Variants in SORCS1 observed in about 807,000 individuals in gnomAD.
SORCS1 encodes the protein VPS10 domain-containing receptor SorCS1.
SORCS1 carries 60 observed loss-of-function variants against 146.1 expected under a neutral mutation model. The ratio of observed to expected loss-of-function variants is 0.41; its 90% confidence interval spans 0.33 to 0.51. The LOEUF (loss-of-function observed/expected upper bound fraction) is 0.51. Ranked by LOEUF, SORCS1 falls within the 20% of genes least tolerant of loss-of-function variation. The probability of loss-of-function intolerance (pLI) is 0.21; values close to 1 mark genes in which losing one functional copy is unlikely to be tolerated. For missense variants in SORCS1, 1,352 were observed against 1,487.6 expected, an observed-to-expected ratio of 0.91 and a Z score of 1.50; for synonymous variants, 637 against 584.0, an observed-to-expected ratio of 1.09 and a Z score of -1.31.
At chr10:106,938,751 C>T (rs822076) in intron 2 of SORCS1, among the ~76,000 whole-genome samples, 40,767 of 152,112 alleles carry the variant, frequency 0.27, 5,779 homozygotes, top group Middle Eastern at 0.35. Context: ...CCACAAATCC[C>T]TATGTCATAT....
chr10:106,881,772 C>T (rs911254780), intron 2 of SORCS1, among the ~76,000 whole-genome samples: 7 of 152,144 alleles, frequency 4.6e-5, no homozygotes, highest in African/African-American at 7.2e-5. Context: ...ATTTCTTACC[C>T]GATATCCTAT....
In SORCS1 at chr10:106,649,392, C is replaced by A. The variant is rs557928446; in HGVS notation, c.2475+2990G>T. On this transcript the variant is annotated intron_variant, in intron 18 of 25. Coordinates refer to ENST00000263054, the MANE Select transcript of SORCS1 (RefSeq NM_052918.5). Reference sequence around the variant, plus strand: ...TGGGACACTGAAGAAGCGAGCAACACCCCCATCACACGCCTGTTAGGGGGA... The same window carrying A: ...TGGGACACTGAAGAAGCGAGCAACAACCCCATCACACGCCTGTTAGGGGGA... Among the ~76,000 whole-genome samples, 86 of 152,286 alleles carry A rather than the reference C, an allele frequency of 5.6e-4. 1 individual carries two copies. The highest frequency in any genetic ancestry group is 5.5e-4 in the African/African-American group (23 of 41,558).
At chr10:107,130,018 T>C (rs1471776729) in intron 1 of SORCS1, among the ~76,000 whole-genome samples, 3 of 152,222 alleles carry the variant, frequency 2.0e-5, no homozygotes, top group African/African-American at 7.2e-5. Context: ...CTTCAATATG[T>C]CCAAGTTTTC....
At chr10:106,641,333 T>C (rs2133677841) in intron 18 of SORCS1, among the ~76,000 whole-genome samples, 1 of 152,320 alleles carries the variant, frequency 6.6e-6, no homozygotes, top group African/African-American at 2.4e-5. Flanking sequence ...ATCTGTAATT[T>C]TCTGGCTTGA....
At chr10:106,927,675 T>G (rs1250563766) in intron 2 of SORCS1, among the ~76,000 whole-genome samples, 1 of 151,938 alleles carries the variant, frequency 6.6e-6, no homozygotes, top group Non-Finnish European at 1.5e-5. Context: ...GACACAAAGG[T>G]TCTCCACGTC....
At chr10:106,885,315 GA>G (rs1950957225) in intron 2 of SORCS1, among the ~76,000 whole-genome samples, 1 of 151,682 alleles carries the variant, frequency 6.6e-6, no homozygotes, top group African/African-American at 2.4e-5. Context: ...AAAGGGGAAA[GA>G]AAAAATTAGT....
rs571197176 is a variant in SORCS1, at chr10:106,996,185, C to G, written c.559-39605G>C. Among the ~76,000 whole-genome samples, 150 of 149,698 alleles carry G rather than the reference C, an allele frequency of 1.0e-3. 1 individual carries two copies. Among genetic ancestry groups the G allele is most frequent in the African/African-American group, 3.7e-3 (150 of 40,176 alleles). On this transcript the variant is annotated intron_variant, in intron 1 of 25. Transcript: ENST00000263054. ...GAGGCTGCAGTAAGCCAAGACTGCG[C>G]CACTGTACTCCAGCCTGGGCGACAG...
chr10:106,658,477 C>A (rs116910470), intron 17 of SORCS1, among the ~76,000 whole-genome samples: 1 of 151,976 alleles, frequency 6.6e-6, no homozygotes, highest in Non-Finnish European at 1.5e-5. Context: ...CTCATTTGCA[C>A]TCACAATAAA....
At chr10:107,041,683 T>G (rs1032964346) in intron 1 of SORCS1, among the ~76,000 whole-genome samples, 3 of 152,140 alleles carry the variant, frequency 2.0e-5, no homozygotes, top group African/African-American at 7.2e-5. Context: ...GCCCAGTATG[T>G]AAATCCAGCT....
intron 1 of SORCS1, among the ~76,000 whole-genome samples, chr10:106,977,924 G>C (rs999014749): frequency 6.6e-6 from 1 of 152,162 alleles, no homozygotes; most frequent in Non-Finnish European, 1.5e-5. Flanking sequence ...GTCAGAGTTC[G>C]AGTGCGCATG....
At chr10:107,177,082 T>C in the SORCS1 span, among the ~76,000 whole-genome samples, 2 of 152,276 alleles carry the variant, frequency 1.3e-5, no homozygotes, top group South Asian at 4.1e-4. Context: ...ATTTATACTT[T>C]CATTATTGTG....
chr10:107,047,331 A>G (rs1027049626), intron 1 of SORCS1, among the ~76,000 whole-genome samples: 5 of 152,180 alleles, frequency 3.3e-5, no homozygotes, highest in Non-Finnish European at 7.3e-5. Flanking sequence ...TGTCAGTAGA[A>G]CAAGTCATTA....
In SORCS1 at chr10:107,009,636, C is replaced by T. The variant is rs538502416; in HGVS notation, c.559-53056G>A. Among the ~76,000 whole-genome samples, 3 of 152,288 alleles carry T rather than the reference C, an allele frequency of 2.0e-5. No individual in the cohort carries two copies. In the South Asian group the frequency reaches 6.2e-4, roughly 32 times the overall value. ...CAACATATAAAGCAAATAAATTCTT[C>T]TGTTTCATGTAGTTGCTGGGACAGG... On this transcript the variant is annotated intron_variant, in intron 1 of 25. Coordinates refer to ENST00000263054, the MANE Select transcript of SORCS1 (RefSeq NM_052918.5).
chr10:106,856,246 C>T lies in SORCS1; in HGVS notation c.627-26573G>A, dbSNP rs949204293. Among the ~76,000 whole-genome samples the T allele has an allele frequency of 9.2e-5, 14 of 152,098 alleles. 1 individual carries two copies. Among genetic ancestry groups the T allele is most frequent in the East Asian group, 7.7e-4 (4 of 5,190 alleles). On this transcript the variant is annotated intron_variant, in intron 2 of 25. Transcript: ENST00000263054. Reference sequence around the variant, plus strand: ...TTCACCATATTGACCAGGCTGATTTCGAACTCCTGACCTCAGGTGATCCAC... The same window carrying T: ...TTCACCATATTGACCAGGCTGATTTTGAACTCCTGACCTCAGGTGATCCAC...
chr10:106,944,870 C>T, intron 2 of SORCS1, among the ~76,000 whole-genome samples: 1 of 51,830 alleles, frequency 1.9e-5, no homozygotes, highest in South Asian at 7.0e-4. Context: ...CAAGAAAGAG[C>T]CTTCTTTTTT....
chr10:107,128,058 T>C (rs1966812195), intron 1 of SORCS1, among the ~76,000 whole-genome samples: 1 of 152,202 alleles, frequency 6.6e-6, no homozygotes, highest in Non-Finnish European at 1.5e-5. Flanking sequence ...CAACACATTA[T>C]TTTATTTTCC....
intron 2 of SORCS1, among the ~76,000 whole-genome samples, chr10:106,863,282 G>T (rs2137466925): frequency 6.6e-6 from 1 of 151,866 alleles, no homozygotes; most frequent in Admixed American, 6.5e-5. Flanking sequence ...CCAGCACTTT[G>T]GGATGCCAAG....
At chr10:106,955,294 G>A (rs775378298) in intron 2 of SORCS1, among the ~76,000 whole-genome samples, 10 of 152,348 alleles carry the variant, frequency 6.6e-5, no homozygotes, top group African/African-American at 1.7e-4. Flanking sequence ...AGACACCAGC[G>A]CCCAAGGCGG....
At chr10:106,904,178 C>A (rs1373985183) in intron 2 of SORCS1, among the ~76,000 whole-genome samples, 5 of 152,256 alleles carry the variant, frequency 3.3e-5, no homozygotes, top group African/African-American at 1.2e-4. Context: ...GTATACAGAT[C>A]TAATATCATT....
Sources: gnomAD v4.1 joint callset for allele counts (sites outside exome capture counted in the v4.1 genomes callset) on GRCh38, gnomAD v4.1.1 for gene constraint, MANE v1.5 for transcripts, NCBI Gene and HGNC (gene_info 2026-07-23, HGNC 2026-07-21) for gene names.